Variants in UGDH observed in about 807,000 individuals in gnomAD.
The protein encoded by UGDH is UDP-Glc dehydrogenase.
UGDH carries 38 observed loss-of-function variants against 50.6 expected under a neutral mutation model. The observed-to-expected ratio is 0.75, with a 90% CI of 0.58 to 0.98. UGDH has a LOEUF of 0.98. UGDH is among the 50% of genes least tolerant of loss of function. The probability of loss-of-function intolerance (pLI) is 0.00; values close to 1 mark genes in which losing one functional copy is unlikely to be tolerated. For synonymous variants in UGDH, 168 were observed against 199.9 expected (o/e 0.84, Z 1.35); for missense variants, 465 against 606.2 (o/e 0.77, Z 2.45).
intron 10 of UGDH, 98 bp downstream of exon 10, chr4:39,504,312 AAAAAAAC>A: frequency 9.4e-7 from 1 of 1,060,384 alleles, no homozygotes; most frequent in Non-Finnish European, 1.4e-6. Context: ...CATCTCAAAA[AAAAAAAC>A]AAAAAAACAA....
chr4:39,520,684 T>C (rs1443763462), intron 2 of UGDH, among the ~76,000 whole-genome samples: 7 of 151,602 alleles, frequency 4.6e-5, no homozygotes, highest in Non-Finnish European at 8.8e-5. Context: ...AAATTTATAT[T>C]AATATTATTA....
chr4:39,504,168 C>A (rs545673430), intron 10 of UGDH, among the ~76,000 whole-genome samples, 183 bp from the exon 11 acceptor site: 2 of 151,872 alleles, frequency 1.3e-5, no homozygotes, highest in Non-Finnish European at 2.9e-5. Flanking sequence ...ATTAGTTGGG[C>A]GTGGTGGCAG....
Position 39,509,908 on chromosome 4 carries a change from CT to C in UGDH, c.664-2del. On this transcript the variant is annotated splice_acceptor_variant, in intron 5 of 11. Coordinates refer to ENST00000316423, the MANE Select transcript of UGDH (RefSeq NM_003359.4). LOFTEE classifies it high-confidence loss of function. Reference sequence around the variant, plus strand: ...TCTGGGCAAGAAAAGCATTTGCTGCCTTAAAAAAAAAAAACATAGAGAAGAG... The same window carrying C: ...TCTGGGCAAGAAAAGCATTTGCTGCCTAAAAAAAAAAAACATAGAGAAGAG... 1 of 1,561,126 alleles carries C rather than the reference CT, an allele frequency of 6.4e-7. No homozygotes were observed.
chr4:39,505,277 A>C lies in UGDH; in HGVS notation c.1131T>G (p.Val377=). 1 of 1,602,482 alleles carries C rather than the reference A, an allele frequency of 6.2e-7. No individual in the cohort carries two copies. ...YDPKVPREQI[V]VDLSHPGVSE... ...AAACACCTGGATGAGAAAGATCCAC[A>C]ACTATTTGTTCCCTAGGTACTTTTG... Residue 377 remains valine, a synonymous_variant, in exon 9 of 12, where the codon GTT becomes GTG. Coordinates refer to ENST00000316423, the MANE Select transcript of UGDH (RefSeq NM_003359.4).
chr4:39,510,195 C>T (rs1746185608), intron 5 of UGDH, among the ~76,000 whole-genome samples, 158 bp downstream of exon 5: 2 of 152,166 alleles, frequency 1.3e-5, no homozygotes, highest in African/African-American at 4.8e-5. Flanking sequence ...TATGATCTCC[C>T]TTGTGAAAAT....
chr4:39,512,087 C>T (rs1013298104), intron 3 of UGDH, among the ~76,000 whole-genome samples: 2 of 151,568 alleles, frequency 1.3e-5, no homozygotes, highest in Non-Finnish European at 2.9e-5. Flanking sequence ...TACATGTAAC[C>T]TTGGAGAAGT....
Position 39,527,379 on chromosome 4 carries a change from C to G in UGDH, c.-104G>C, listed in dbSNP as rs1746955281. On this transcript the variant is annotated 5_prime_UTR_variant, in exon 1 of 12. Transcript: ENST00000316423. The stretch of plus-strand genomic sequence containing the variant: ...GCCGCCGCAGCTTCTCCACCCGCGC[C>G]CCGCTCGATCTGAGCTCCCTCTCGG... 1 of 261,924 alleles carries G rather than the reference C, an allele frequency of 3.8e-6. No individual in the cohort carries two copies. Among genetic ancestry groups the G allele is most frequent in the African/African-American group, 2.3e-5 (1 of 43,390 alleles). 16.2% of individuals were successfully genotyped at this position (261,924 alleles called of 1,614,324 possible). A position where few individuals can be genotyped will look rare whatever the true frequency, so the allele number is the denominator to read the frequency against.
At position 39,504,001 on chromosome 4, in the gene UGDH, A is replaced by G. The variant is rs1366551089; in HGVS notation, c.1264-16T>C. ...AATCCAATTCCTGTAAAGACAAACC[A>G]CAGGAACAATTAAAACACATACGTG... On this transcript the variant is annotated splice_polypyrimidine_tract_variant and intron_variant, in intron 10 of 11. Transcript: ENST00000316423. 6.2e-7 allele frequency: 1 copy of G among 1,610,270 alleles called. No individual in the cohort carries two copies. Among genetic ancestry groups the G allele is most frequent in the East Asian group, 2.2e-5 (1 of 44,830 alleles).
intron 2 of UGDH, among the ~76,000 whole-genome samples, chr4:39,515,748 G>A (rs1230137377): frequency 6.6e-6 from 1 of 152,112 alleles, no homozygotes; most frequent in Non-Finnish European, 1.5e-5. Context: ...CACCCTGGCT[G>A]GAGTGCAGTG....
At chr4:39,510,628 A>T (rs767113960) in intron 4 of UGDH, 33 bp downstream of exon 4, 64 of 1,614,194 alleles carry the variant, frequency 4.0e-5, no homozygotes, top group Non-Finnish European at 5.4e-5. Flanking sequence ...TTTACATAAG[A>T]ATAACCAGAT....
At chr4:39,513,215 T>C (rs969345119) in intron 3 of UGDH, among the ~76,000 whole-genome samples, 1 of 152,202 alleles carries the variant, frequency 6.6e-6, no homozygotes, top group Non-Finnish European at 1.5e-5. Context: ...CAGCAAGATG[T>C]AAGTTGCTTT....
chr4:39,527,375 G>T lies in UGDH; in HGVS notation c.-100C>A. The T allele has an allele frequency of 4.1e-6, 1 of 241,602 alleles. No homozygotes were observed. Among genetic ancestry groups the T allele is most frequent in the Non-Finnish European group, 8.5e-6 (1 of 117,928 alleles). The allele number at this position is 241,602 out of a possible 1,614,324, so 15.0% of individuals were successfully genotyped here. A position where few individuals can be genotyped will look rare whatever the true frequency, so the allele number is the denominator to read the frequency against. ...CCGCGCCGCCGCAGCTTCTCCACCC[G>T]CGCCCCGCTCGATCTGAGCTCCCTC... On this transcript the variant is annotated 5_prime_UTR_variant, in exon 1 of 12. Coordinates refer to ENST00000316423, the MANE Select transcript of UGDH (RefSeq NM_003359.4).
chr4:39,519,001 C>T (rs780283452), intron 2 of UGDH, among the ~76,000 whole-genome samples: 8 of 152,114 alleles, frequency 5.3e-5, no homozygotes, highest in Non-Finnish European at 1.2e-4. Flanking sequence ...ACTGCAACCT[C>T]TGCCTCCCAG....
At chr4:39,505,562 A>C in intron 8 of UGDH, 56 bp downstream of exon 8, 1 of 1,459,394 alleles carries the variant, frequency 6.9e-7, no homozygotes, top group Non-Finnish European at 9.0e-7. Context: ...TCAAAAAATT[A>C]AGATGAGGAG....
intron 3 of UGDH, 22 bp from the exon 4 acceptor site, chr4:39,510,883 A>G: frequency 1.4e-5 from 23 of 1,613,136 alleles, no homozygotes; most frequent in Non-Finnish European, 1.9e-5. Context: ...ATATGGGATA[A>G]AGAACAGAGT....
chr4:39,503,783 A>C (rs909068257), intron 11 of UGDH, 92 bp downstream of exon 11: 1 of 1,083,222 alleles, frequency 9.2e-7, no homozygotes, highest in African/African-American at 1.6e-5. Context: ...TGGTCTTTTG[A>C]TGTCAACTTG....
Position 39,500,208 on chromosome 4 carries a change from C to A in UGDH, c.1420G>T (p.Ala474Ser). 6.2e-7 allele frequency: 1 copy of A among 1,602,790 alleles called. No homozygotes were observed. Among genetic ancestry groups the A allele is most frequent in the Non-Finnish European group, 8.5e-7 (1 of 1,174,104 alleles). The stretch of plus-strand genomic sequence containing the variant: ...AACTTCGGAATTTCACCAGAAGGAG[C>A]ATATGGAATTCTCTTTGAAGACACC... ...KKVSSKRIPYAPSGEIPKFSL... is the reference protein window; with the variant it reads ...KKVSSKRIPYSPSGEIPKFSL... The change falls in exon 12 of 12, where the codon GCT becomes TCT. Residue 474 changes from alanine (A) to serine (S), a missense_variant. Transcript: ENST00000316423.
chr4:39,514,322 G>GT, intron 2 of UGDH, 138 bp from the exon 3 acceptor site: 1 of 704,838 alleles, frequency 1.4e-6, no homozygotes, highest in East Asian at 2.9e-5. Context: ...AATTACCTTT[G>GT]TAGACAAGTT....
chr4:39,524,014 G>A (rs1312642008), intron 1 of UGDH, among the ~76,000 whole-genome samples: 3 of 151,850 alleles, frequency 2.0e-5, no homozygotes, highest in Non-Finnish European at 4.4e-5. Context: ...TAATAATCTT[G>A]TCTTTCTAAA....
Sources: gnomAD v4.1 joint callset for allele counts (sites outside exome capture counted in the v4.1 genomes callset) on GRCh38, gnomAD v4.1.1 for gene constraint, MANE v1.5 for transcripts, NCBI Gene and HGNC (gene_info 2026-07-23, HGNC 2026-07-21) for gene names.